The following GOLGA3 variants were observed in gnomAD, a reference collection of about 807,000 sequenced individuals.
The protein encoded by GOLGA3 is golgin subfamily A member 3.
GOLGA3 carries 75 observed loss-of-function variants against 169.4 expected under a neutral mutation model. That is an observed-to-expected ratio of 0.44 (90% CI 0.37 to 0.54). GOLGA3 has a LOEUF of 0.54. GOLGA3 is among the 20% of genes least tolerant of loss of function. The pLI, the probability that GOLGA3 is intolerant of heterozygous loss-of-function variation, is 0.00. For synonymous variants in GOLGA3, 824 were observed against 822.4 expected (o/e 1.00, Z -0.03); for missense variants, 1,899 against 1,930.0 (o/e 0.98, Z 0.30).
chr12:132,813,321 G>A lies in GOLGA3; in HGVS notation c.505C>T (p.Arg169Cys), dbSNP rs748494422. Residue 169 changes from arginine (R) to cysteine (C), a missense_variant, in exon 4 of 24, where the codon CGC becomes TGC. Coordinates refer to ENST00000450791, the MANE Select transcript of GOLGA3 (RefSeq NM_001389683.1). ...GGGAGACTCACCCTCTCCTGCTGGC[G>A]CTTCACCCTGTACTGTTTGAGCTGC... is the stretch of plus-strand genomic sequence containing the variant. ...EEQLKQYRVKRQQERSSQPAT... is the reference protein window; with the variant it reads ...EEQLKQYRVKCQQERSSQPAT... 7.5e-6 allele frequency: 12 copies of A among 1,609,920 alleles called. No individual in the cohort carries two copies. The highest frequency in any genetic ancestry group is 4.4e-5 in the South Asian group (4 of 91,006).
chr12:132,788,895 C>G, intron 13 of GOLGA3, 132 bp downstream of exon 13: 1 of 696,076 alleles, frequency 1.4e-6, no homozygotes, highest in Non-Finnish European at 2.1e-6. Flanking sequence ...TGGCCCCACC[C>G]CAGACACAGG....
In GOLGA3 at chr12:132,769,641, A is replaced by G. The variant is rs1473778855; in HGVS notation, c.*3464T>C. The G allele has an allele frequency of 6.6e-6, 1 of 152,196 alleles. No individual in the cohort carries two copies. The highest frequency in any genetic ancestry group is 1.5e-5 in the Non-Finnish European group (1 of 68,006). 9.4% of individuals were successfully genotyped at this position (152,196 alleles called of 1,614,324 possible). ...TTTTTGGAACATCAGAAAAACAAGTAGTGACATCGTGAAGTGCCCTAGCCT... is the reference window on the plus strand; with the variant it reads ...TTTTTGGAACATCAGAAAAACAAGTGGTGACATCGTGAAGTGCCCTAGCCT... On this transcript the variant is annotated 3_prime_UTR_variant, in exon 24 of 24. Transcript: ENST00000450791.
In GOLGA3 at chr12:132,777,809, G is replaced by A. The variant is rs1225094914; in HGVS notation, c.3583-4C>T. 1 of 1,613,394 alleles carries A rather than the reference G, an allele frequency of 6.2e-7. No homozygotes were observed. The highest frequency in any genetic ancestry group is 1.1e-5 in the South Asian group (1 of 91,052). ...CTTCCACCTTGGCAGCAGCCACCTA[G>A]GAGGAAGGAAGCCACGTTGTCCATG... On this transcript the variant is annotated splice_polypyrimidine_tract_variant and splice_region_variant and intron_variant, in intron 18 of 23. Coordinates refer to ENST00000450791, the MANE Select transcript of GOLGA3 (RefSeq NM_001389683.1). This position sits in a 1 kb window ranked among gnomAD's most constrained non-coding sequence, Gnocchi z 4.7.
rs759958289 is a variant in GOLGA3, at chr12:132,816,726, G to A, written c.220C>T (p.Pro74Ser). Residue 74 changes from proline to serine, a missense_variant, in exon 3 of 24, where the codon CCC becomes TCC. Pro to Ser is a moderately conservative substitution (Grantham distance 74). Coordinates refer to ENST00000450791, the MANE Select transcript of GOLGA3 (RefSeq NM_001389683.1). ...GGLCQNGPTP[P>S]FPDPPSSLDP... ...AGAGACGACGGAGGGTCTGGGAAGGGTGGCGTTGGCCCGTTCTGACAGAGG... is the reference window on the plus strand; with the variant it reads ...AGAGACGACGGAGGGTCTGGGAAGGATGGCGTTGGCCCGTTCTGACAGAGG... The A allele has an allele frequency of 1.2e-6, 2 of 1,614,072 alleles. No homozygotes were observed. The highest frequency in any genetic ancestry group is 2.2e-5 in the South Asian group (2 of 91,088).
At chr12:132,790,174 G>A (rs1278640488) in intron 12 of GOLGA3, among the ~76,000 whole-genome samples, 4 of 150,764 alleles carry the variant, frequency 2.7e-5, no homozygotes, top group East Asian at 2.0e-4. Context: ...TACTAAAAAT[G>A]CAAAAAAAAA....
intron 15 of GOLGA3, among the ~76,000 whole-genome samples, chr12:132,786,074 CT>C (rs1398041198): frequency 6.6e-6 from 1 of 152,224 alleles, no homozygotes; most frequent in African/African-American, 2.4e-5. Flanking sequence ...AGCAGCTGAA[CT>C]TCTCTGAGCC....
At chr12:132,816,399 C>A in intron 3 of GOLGA3, 141 bp downstream of exon 3, 1 of 769,664 alleles carries the variant, frequency 1.3e-6, no homozygotes, top group Non-Finnish European at 2.1e-6. Flanking sequence ...GCTAAACTCA[C>A]AGCCCCACGT....
chr12:132,796,181 C>T lies in GOLGA3; in HGVS notation c.2140G>A (p.Ala714Thr). The change falls in exon 11 of 24, where the codon GCT (alanine) becomes ACT (threonine). Residue 714 changes from alanine (A) to threonine (T), a missense_variant. Physicochemically the swap from Ala to Thr is moderately conservative, Grantham distance 58. Coordinates refer to ENST00000450791, the MANE Select transcript of GOLGA3 (RefSeq NM_001389683.1). ...TLLQRDQQLE[A>T]LQQEHLDLMK... is the part of the protein sequence containing the mutation. ...AGGTCCAGGTGCTCCTGCTGCAAAG[C>T]CTCAAGCTGCTGGTCTCGCTGGAGT... 6.2e-7 allele frequency: 1 copy of T among 1,601,406 alleles called. No individual in the cohort carries two copies. Among genetic ancestry groups the T allele is most frequent in the Non-Finnish European group, 8.5e-7 (1 of 1,171,228 alleles).
chr12:132,816,882 G>C, intron 2 of GOLGA3, 70 bp from the exon 3 acceptor site: 1 of 1,342,770 alleles, frequency 7.4e-7, no homozygotes, highest in Non-Finnish European at 1.0e-6. Context: ...CAGACATGCA[G>C]CTGGAGTAGG....
At chr12:132,825,301 CT>C (rs1950367383) in intron 1 of GOLGA3, among the ~76,000 whole-genome samples, 1 of 152,138 alleles carries the variant, frequency 6.6e-6, no homozygotes, top group Admixed American at 6.5e-5. Context: ...CGTCTACCCC[CT>C]CTGCCATCAC....
chr12:132,780,636 G>A (rs777457538), intron 18 of GOLGA3, among the ~76,000 whole-genome samples, 162 bp downstream of exon 18: 12 of 152,196 alleles, frequency 7.9e-5, no homozygotes, highest in East Asian at 5.8e-4. Context: ...CACCTTCTAC[G>A]GACCAGAGCA....
intron 3 of GOLGA3, among the ~76,000 whole-genome samples, chr12:132,815,771 G>C (rs997591581): frequency 7.9e-5 from 12 of 152,110 alleles, no homozygotes; most frequent in African/African-American, 2.9e-4. Flanking sequence ...GTGGTGACAC[G>C]CACCTGTGGT....
intron 18 of GOLGA3, among the ~76,000 whole-genome samples, chr12:132,779,945 G>A (rs1328332021): frequency 8.9e-6 from 1 of 111,824 alleles, no homozygotes; most frequent in Non-Finnish European, 1.7e-5. Flanking sequence ...AGGCACACAC[G>A]CGTATACAGA....
Position 132,786,498 on chromosome 12 carries a change from G to A in GOLGA3, c.2964C>T (p.Ala988=). ...MRRLGSDLTS[A]QKEMKTKHKA... ...TATGTTTGGTCTTCATCTCCTTCTG[G>A]GCGCTGGTCAAGTCTGAGCCCAGCC... Residue 988 remains alanine, a synonymous_variant, in exon 15 of 24, where the codon GCC becomes GCT. Transcript: ENST00000450791. 6.2e-7 allele frequency: 1 copy of A among 1,613,602 alleles called. No homozygotes were observed. The highest frequency in any genetic ancestry group is 8.5e-7 in the Non-Finnish European group (1 of 1,179,940).
intron 18 of GOLGA3, among the ~76,000 whole-genome samples, chr12:132,779,310 C>G (rs1188062967): frequency 2.0e-5 from 3 of 152,162 alleles, no homozygotes; most frequent in Non-Finnish European, 4.4e-5. Flanking sequence ...AACTCCCGAC[C>G]TCAGGTGATC....
At chr12:132,782,833 G>A (rs1054555882) in intron 16 of GOLGA3, among the ~76,000 whole-genome samples, 2 of 147,920 alleles carry the variant, frequency 1.4e-5, no homozygotes, top group Non-Finnish European at 3.0e-5. Flanking sequence ...CTGAGATTGT[G>A]CCCCTGCACT....
rs557235010 is a variant in GOLGA3 at position 132,777,644 on chromosome 12, C to T, written c.3722+22G>A. 9.9e-6 allele frequency: 16 copies of T among 1,612,872 alleles called. No individual in the cohort carries two copies. In the African/African-American group the frequency reaches 2.0e-4, roughly 20 times the overall value. ...TTGCCAGGACAGCCATGTTTGAGGG[C>T]TGGCGGGGCCCAGGCACTCACTGAA... On this transcript the variant is annotated intron_variant, in intron 19 of 23. Coordinates refer to ENST00000450791, the MANE Select transcript of GOLGA3 (RefSeq NM_001389683.1). This position sits in a 1 kb window ranked among gnomAD's most constrained non-coding sequence, Gnocchi z 4.7.
Position 132,772,206 on chromosome 12 carries a change from A to G in GOLGA3, c.*899T>C, listed in dbSNP as rs1169784463. On this transcript the variant is annotated 3_prime_UTR_variant, in exon 24 of 24. Transcript: ENST00000450791. ...ACAAATTTTCAAAAGGCAATCAATAATAAGTAGGTTCTTCTTCAATAACAT... is the reference window on the plus strand; with the variant it reads ...ACAAATTTTCAAAAGGCAATCAATAGTAAGTAGGTTCTTCTTCAATAACAT... The G allele has an allele frequency of 1.3e-5, 2 of 152,242 alleles. No homozygotes were observed. Among genetic ancestry groups the G allele is most frequent in the South Asian group, 2.1e-4 (1 of 4,838 alleles). 9.4% of individuals were successfully genotyped at this position (152,242 alleles called of 1,614,324 possible). A position where few individuals can be genotyped will look rare whatever the true frequency, so the allele number is the denominator to read the frequency against.
Position 132,771,298 on chromosome 12 carries a change from A to G in GOLGA3, c.*1807T>C, listed in dbSNP as rs1225384165. On this transcript the variant is annotated 3_prime_UTR_variant, in exon 24 of 24. Transcript: ENST00000450791. ...TTTCTCCACAAAACAGACACCAGAC[A>G]CCGACATGAGCACATCTGGCCTGGC... is the stretch of plus-strand genomic sequence containing the variant. The G allele has an allele frequency of 6.6e-6, 1 of 152,570 alleles. No homozygotes were observed. The highest frequency in any genetic ancestry group is 1.5e-5 in the Non-Finnish European group (1 of 68,032). 9.5% of individuals were successfully genotyped at this position (152,570 alleles called of 1,614,324 possible).
Sources: gnomAD v4.1 joint callset for allele counts (sites outside exome capture counted in the v4.1 genomes callset) on GRCh38, gnomAD v4.1.1 for gene constraint, Gnocchi (gnomAD v3.1) non-coding constraint, MANE v1.5 for transcripts, NCBI Gene and HGNC (gene_info 2026-07-23, HGNC 2026-07-21) for gene names.